Variants in SLC38A8 observed in about 807,000 individuals in gnomAD.
SLC38A8 encodes amino acid transporter SLC38A8.
A neutral mutation model predicts 46.0 loss-of-function variants in SLC38A8; 65 were observed. The observed-to-expected ratio is 1.41, with a 90% CI of 1.16 to 1.74. SLC38A8 has a LOEUF of 1.74. Among genes scored for constraint, SLC38A8 ranks in the 40% most tolerant of loss-of-function variants. SLC38A8 has a pLI of 0.00. For missense variants in SLC38A8, 998 were observed against 567.9 expected (o/e 1.76, Z -7.70); for synonymous variants, 447 against 243.7 (o/e 1.83, Z -7.77).
intron 2 of SLC38A8, 112 bp from the exon 3 acceptor site, chr16:84,037,012 G>C (rs889838348): frequency 7.1e-6 from 8 of 1,120,036 alleles, no homozygotes; most frequent in Non-Finnish European, 1.0e-5. Flanking sequence ...CAGAGGCCAG[G>C]GCTGCTGCCA....
intron 9 of SLC38A8, 38 bp downstream of exon 9, chr16:84,016,481 A>C (rs199969443): frequency 1.2e-6 from 2 of 1,605,060 alleles, no homozygotes; most frequent in East Asian, 2.2e-5. Context: ...AGCAGGGAAG[A>C]ACAAGTGGGC....
chr16:84,033,594 G>C lies in SLC38A8; in HGVS notation c.389-125C>G, dbSNP rs903014011. ...CCTCAGCCAGCCCCAGGAGCCCAGG[G>C]ATCAGACGACAAGTGAGATGGAGAC... On this transcript the variant is annotated intron_variant, in intron 3 of 10. Transcript: ENST00000299709. The C allele has an allele frequency of 5.3e-6, 6 of 1,123,398 alleles. No individual in the cohort carries two copies. The South Asian group carries it at 9.6e-5, about 18-fold the overall frequency. 69.6% of individuals were successfully genotyped at this position (1,123,398 alleles called of 1,614,324 possible). A position where few individuals can be genotyped will look rare whatever the true frequency, so the allele number is the denominator to read the frequency against.
intron 6 of SLC38A8, among the ~76,000 whole-genome samples, chr16:84,025,291 G>C (rs1386907255): frequency 1.3e-5 from 2 of 152,128 alleles, no homozygotes; most frequent in East Asian, 1.9e-4. Flanking sequence ...CCGCCCTGTA[G>C]GGACCCTACG....
intron 4 of SLC38A8, among the ~76,000 whole-genome samples, chr16:84,032,708 C>G (rs983412382): frequency 6.6e-6 from 1 of 152,212 alleles, no homozygotes; most frequent in Non-Finnish European, 1.5e-5. Context: ...TTGCTGCCTG[C>G]TGTTTCTATA....
chr16:84,040,909 G>A (rs1056299104), intron 2 of SLC38A8, among the ~76,000 whole-genome samples: 21 of 152,186 alleles, frequency 1.4e-4, no homozygotes, highest in Admixed American at 1.4e-3. Context: ...CCAGGCACGG[G>A]GCAGGAGCTC....
intron 1 of SLC38A8, 45 bp from the exon 2 acceptor site, chr16:84,042,204 T>G: frequency 6.4e-7 from 1 of 1,551,230 alleles, no homozygotes; most frequent in Non-Finnish European, 8.7e-7. Context: ...TCTTCACGCT[T>G]TCCTCCCTAA....
At chr16:84,040,285 C>A (rs1183050661) in intron 2 of SLC38A8, among the ~76,000 whole-genome samples, 2 of 152,216 alleles carry the variant, frequency 1.3e-5, no homozygotes, top group African/African-American at 4.8e-5. Context: ...CAGGCTGGCT[C>A]CTCTGCTCTG....
chr16:84,011,234 T>C (rs1042986405), intron 10 of SLC38A8, among the ~76,000 whole-genome samples: 4 of 152,166 alleles, frequency 2.6e-5, no homozygotes, highest in African/African-American at 9.7e-5. Context: ...CAAAGCAGTT[T>C]TAACGATAAA....
intron 7 of SLC38A8, among the ~76,000 whole-genome samples, chr16:84,021,306 C>T (rs1039637051): frequency 2.0e-5 from 3 of 152,202 alleles, no homozygotes; most frequent in African/African-American, 7.2e-5. Context: ...CTCAAGTGAT[C>T]CACCTGCCTC....
At chr16:84,034,827 T>C (rs11639584) in intron 3 of SLC38A8, among the ~76,000 whole-genome samples, 36,623 of 151,644 alleles carry the variant, frequency 0.24, 4,484 homozygotes, top group Middle Eastern at 0.28. Context: ...AGGCCCTTTG[T>C]CTGCATCTGG....
chr16:84,032,519 G>A (rs562368554), intron 4 of SLC38A8, among the ~76,000 whole-genome samples: 1 of 152,158 alleles, frequency 6.6e-6, no homozygotes, highest in Non-Finnish European at 1.5e-5. Flanking sequence ...GCGCCCTTCG[G>A]GATGGCAGCT....
In SLC38A8 at chr16:84,013,043, A is replaced by T. The variant is rs768533885; in HGVS notation, c.1172T>A (p.Leu391His). ...FFIFIFPGLC[L>H]ICAMGVEPIG... ...AGGCTCGACACCCATTGCACAGATG[A>T]GGCACAAACCTGCAAAAAAGACAGG... Residue 391 changes from leucine to histidine, a missense_variant, in exon 10 of 11, where the codon CTC (leucine) becomes CAC (histidine). Physicochemically the swap from Leu to His is moderately conservative, Grantham distance 99 (BLOSUM62 -3). Coordinates refer to ENST00000299709, the MANE Select transcript of SLC38A8 (RefSeq NM_001080442.3). The T allele has an allele frequency of 1.9e-6, 3 of 1,614,144 alleles. No homozygotes were observed. The Admixed American group carries it at 5.0e-5, about 27-fold the overall frequency.
intron 6 of SLC38A8, among the ~76,000 whole-genome samples, chr16:84,027,365 A>T (rs550062779): frequency 6.8e-6 from 1 of 147,226 alleles, no homozygotes; most frequent in Admixed American, 6.6e-5. Context: ...AAATTAAAAC[A>T]AACAAACAAA....
At chr16:84,014,806 C>T (rs567379807) in intron 9 of SLC38A8, among the ~76,000 whole-genome samples, 208 of 152,348 alleles carry the variant, frequency 1.4e-3, no homozygotes, top group Middle Eastern at 0.01. Flanking sequence ...ACCCACTTTT[C>T]ATATTCCACA....
At chr16:84,029,006 A>G (rs374881180) in intron 6 of SLC38A8, among the ~76,000 whole-genome samples, 3 of 151,780 alleles carry the variant, frequency 2.0e-5, no homozygotes, top group African/African-American at 7.3e-5. Flanking sequence ...CCCCTCTCCA[A>G]TCAGCTCCCT....
At chr16:84,019,266 G>C (rs1289795141) in intron 7 of SLC38A8, among the ~76,000 whole-genome samples, 1 of 151,958 alleles carries the variant, frequency 6.6e-6, no homozygotes, top group Admixed American at 6.6e-5. Flanking sequence ...AGTAGAAACG[G>C]GGTTTCACTG....
intron 3 of SLC38A8, 24 bp from the exon 4 acceptor site, chr16:84,033,493 G>C (rs771835132): frequency 8.9e-6 from 14 of 1,571,962 alleles, no homozygotes; most frequent in African/African-American, 2.7e-5. Context: ...GGGGAGAGCT[G>C]AGCCACAGAG....
chr16:84,028,507 A>G (rs1597267132), intron 6 of SLC38A8, among the ~76,000 whole-genome samples: 1 of 151,434 alleles, frequency 6.6e-6, no homozygotes, highest in Non-Finnish European at 1.5e-5. Flanking sequence ...GGTGCAGTGC[A>G]GTGAGCTGAG....
At chr16:84,034,891 C>G (rs1304986098) in intron 3 of SLC38A8, among the ~76,000 whole-genome samples, 1 of 152,122 alleles carries the variant, frequency 6.6e-6, no homozygotes, top group African/African-American at 2.4e-5. Context: ...CCAGCTCCTT[C>G]CTAAACCCAG....
Sources: gnomAD v4.1 joint callset for allele counts (sites outside exome capture counted in the v4.1 genomes callset) on GRCh38, gnomAD v4.1.1 for gene constraint, MANE v1.5 for transcripts, NCBI Gene and HGNC (gene_info 2026-07-23, HGNC 2026-07-21) for gene names.